TSNARE1: variants seen among roughly 807,000 people sequenced by gnomAD.
The protein encoded by TSNARE1 is t-SNARE domain-containing protein 1.
A neutral mutation model predicts 62.0 loss-of-function variants in TSNARE1; 49 were observed. The ratio of observed to expected loss-of-function variants is 0.79; its 90% confidence interval spans 0.63 to 1.00. The LOEUF (loss-of-function observed/expected upper bound fraction) is 1.00, where lower values mean the gene tolerates loss of function less well. TSNARE1 is among the 50% of genes least tolerant of loss of function. The pLI is 0.00. For missense variants in TSNARE1, 755 were observed against 700.1 expected, an observed-to-expected ratio of 1.08 and a Z score of -0.88; for synonymous variants, 328 against 294.4, an observed-to-expected ratio of 1.11 and a Z score of -1.17.
intron 12 of TSNARE1, 111 bp downstream of exon 12, chr8:142,274,670 C>T: frequency 7.3e-7 from 1 of 1,372,362 alleles, no homozygotes; most frequent in Non-Finnish European, 9.4e-7. Flanking sequence ...GGGCATGCCC[C>T]TCCCAGGCAC....
intron 12 of TSNARE1, among the ~76,000 whole-genome samples, chr8:142,262,231 G>GA (rs1309503268): frequency 1.3e-5 from 2 of 152,058 alleles, no homozygotes; most frequent in Admixed American, 6.5e-5. Context: ...CAAACTCCTT[G>GA]AAAAACACTA....
chr8:142,256,338 CATCATCATCACCATCATT>C (rs1818559608), intron 12 of TSNARE1, among the ~76,000 whole-genome samples: 1 of 141,200 alleles, frequency 7.1e-6, no homozygotes, highest in African/African-American at 2.6e-5. Flanking sequence ...TCTTTGCCAC[CATCATCATCACCATCATT>C]ATCACCACCA....
chr8:142,227,375 C>A (rs115676551), intron 13 of TSNARE1, among the ~76,000 whole-genome samples: 69 of 93,056 alleles, frequency 7.4e-4, no homozygotes, highest in African/African-American at 4.3e-3. Context: ...ACAGCCAGGA[C>A]CCCCATCCTG....
intron 1 of TSNARE1, among the ~76,000 whole-genome samples, chr8:142,374,485 T>C (rs147471974): frequency 0.028 from 4,262 of 151,714 alleles, 66 homozygotes; most frequent in East Asian, 0.069. Flanking sequence ...GACACCATCC[T>C]GGCTAACATG....
intron 13 of TSNARE1, among the ~76,000 whole-genome samples, chr8:142,220,578 G>A (rs1361711349): frequency 6.6e-6 from 1 of 152,216 alleles, no homozygotes; most frequent in African/African-American, 2.4e-5. Context: ...TTCCGACCTG[G>A]AACCAGGGAA....
chr8:142,359,600 C>A (rs1221817264), intron 1 of TSNARE1, among the ~76,000 whole-genome samples: 6 of 152,150 alleles, frequency 3.9e-5, no homozygotes, highest in Non-Finnish European at 7.4e-5. Context: ...AACCCATTCA[C>A]GGGGGAGCCA....
intron 10 of TSNARE1, among the ~76,000 whole-genome samples, chr8:142,298,816 C>T (rs112076305): frequency 1.3e-5 from 2 of 152,308 alleles, no homozygotes; most frequent in Non-Finnish European, 2.9e-5. Context: ...AAAGGGGAAG[C>T]GGTCCGTCTG....
intron 12 of TSNARE1, among the ~76,000 whole-genome samples, chr8:142,268,414 A>G (rs528503266): frequency 3.7e-4 from 57 of 152,268 alleles, no homozygotes; most frequent in Non-Finnish European, 1.6e-4. Context: ...TGCCTGAGGT[A>G]CTTCTGGATC....
chr8:142,224,159 GC>G (rs1478963297), intron 13 of TSNARE1, among the ~76,000 whole-genome samples: 4 of 152,218 alleles, frequency 2.6e-5, no homozygotes, highest in Non-Finnish European at 4.4e-5. Context: ...AAGCAATGGG[GC>G]CTGGAGAGGC....
chr8:142,247,674 C>T (rs1817953067), intron 12 of TSNARE1: 1 of 152,246 alleles, frequency 6.6e-6, no homozygotes, highest in African/African-American at 2.4e-5. Flanking sequence ...AGAGCTCTGA[C>T]CTGCTCTGTT....
intron 1 of TSNARE1, among the ~76,000 whole-genome samples, chr8:142,396,609 C>G (rs752166987): frequency 3.3e-5 from 5 of 152,230 alleles, no homozygotes; most frequent in Non-Finnish European, 5.9e-5. Context: ...CCTGGTCCCC[C>G]TGGAGAGCAG....
At chr8:142,225,376 G>T (rs548684791) in intron 13 of TSNARE1, among the ~76,000 whole-genome samples, 1 of 152,146 alleles carries the variant, frequency 6.6e-6, no homozygotes, top group South Asian at 2.1e-4. Flanking sequence ...GGGCTGCAGT[G>T]CTCCCTGCCC....
In TSNARE1 at chr8:142,291,438, A is replaced by G. The variant is rs1823726839; in HGVS notation, c.1291-6953T>C. Among the ~76,000 whole-genome samples, 1 of 152,130 alleles carries G rather than the reference A, an allele frequency of 6.6e-6. No homozygotes were observed. Among genetic ancestry groups the G allele is most frequent in the African/African-American group, 2.4e-5 (1 of 41,426 alleles). On this transcript the variant is annotated intron_variant, in intron 10 of 13. Transcript: ENST00000524325. This position sits in a 1 kb window ranked among gnomAD's most constrained non-coding sequence, Gnocchi z 4.8. ...GGTGTGGGCTGAGACACATATAAATAATGTCAGCAGGGCCTTGTCGTTAAA... is the reference window on the plus strand; with the variant it reads ...GGTGTGGGCTGAGACACATATAAATGATGTCAGCAGGGCCTTGTCGTTAAA...
chr8:142,343,391 A>G (rs1832859040), intron 4 of TSNARE1, among the ~76,000 whole-genome samples: 2 of 151,820 alleles, frequency 1.3e-5, no homozygotes, highest in Admixed American at 6.6e-5. Context: ...GAACATGAGC[A>G]CGCGTGGCCA....
chr8:142,242,526 G>A (rs1817713059), intron 12 of TSNARE1, among the ~76,000 whole-genome samples: 1 of 152,210 alleles, frequency 6.6e-6, no homozygotes, highest in South Asian at 2.1e-4. Flanking sequence ...CTGATAAGTG[G>A]TTAAAATTTA....
chr8:142,214,228 A>T (rs1815719417), intron 13 of TSNARE1, among the ~76,000 whole-genome samples: 2 of 152,156 alleles, frequency 1.3e-5, no homozygotes, highest in African/African-American at 4.8e-5. Context: ...GCAGGGCTGC[A>T]GCTGGAGTCA....
chr8:142,403,375 G>T (rs1838454113), upstream of TSNARE1: 1 of 146,418 alleles, frequency 6.8e-6, no homozygotes, highest in Admixed American at 6.7e-5. Context: ...TTGCCTGGTG[G>T]TGGGCCTCCG....
chr8:142,283,047 GACCAGTGTCTGTCAGTGA>G (rs1821917365), intron 11 of TSNARE1, among the ~76,000 whole-genome samples: 1 of 148,064 alleles, frequency 6.8e-6, no homozygotes. Flanking sequence ...GCAGAGGCGG[GACCAGTGTCTGTCAGTGA>G]GCGGAGGTGG....
At chr8:142,277,447 T>C (rs1820687341) in intron 11 of TSNARE1, 4 of 985,312 alleles carry the variant, frequency 4.1e-6, no homozygotes, top group African/African-American at 3.5e-5. Flanking sequence ...TGACCAGCCC[T>C]GCAGGCCTGG....
Sources: allele counts gnomAD v4.1 joint callset (sites outside exome capture counted in the v4.1 genomes callset), GRCh38; gene constraint gnomAD v4.1.1; non-coding constraint Gnocchi (gnomAD v3.1); transcripts MANE v1.5; gene names NCBI Gene and HGNC (gene_info 2026-07-23, HGNC 2026-07-21).